ARRDC5: variants seen among roughly 807,000 people sequenced by gnomAD.
ARRDC5 encodes the protein arrestin domain-containing protein 5.
ARRDC5 carries 12 observed loss-of-function variants against 13.3 expected under a neutral mutation model. That is an observed-to-expected ratio of 0.90 (90% CI 0.58 to 1.46). The LOEUF (loss-of-function observed/expected upper bound fraction) is 1.46. ARRDC5 is among the 40% of genes most tolerant of loss of function. The pLI is 0.00. For synonymous variants in ARRDC5, 181 were observed against 173.4 expected (o/e 1.04, Z -0.34); for missense variants, 406 against 418.7 (o/e 0.97, Z 0.26).
chr19:4,903,108 C>T, upstream of ARRDC5: 1 of 401,632 alleles, frequency 2.5e-6, no homozygotes, highest in Non-Finnish European at 4.7e-6. Context: ...CTCACTGCAA[C>T]CTCCGCCTCA....
At chr19:4,909,871 G>C in the ARRDC5 span, 1 of 379,132 alleles carries the variant, frequency 2.6e-6, no homozygotes, top group Non-Finnish European at 4.7e-6. Context: ...GGAGCCCGGC[G>C]GGGGGTCGAG....
Position 4,896,403 on chromosome 19 carries a change from C to T in ARRDC5, c.459+268G>A, listed in dbSNP as rs368444279. On this transcript the variant is annotated intron_variant, in intron 2 of 2. Transcript: ENST00000650722. ...ACACACACACACACACACACACACA[C>T]ACATATATATAATTTTATTTTAGAG... Among the ~76,000 whole-genome samples, 7,221 of 107,710 alleles carry T rather than the reference C, an allele frequency of 0.067. 305 individuals are homozygous for T. The highest frequency in any genetic ancestry group is 0.13 in the Middle Eastern group (23 of 178). The allele number at this position is 107,710 out of a possible 152,430, so 70.7% of individuals were successfully genotyped here.
the ARRDC5 span, chr19:4,911,089 C>A: frequency 6.9e-7 from 1 of 1,447,984 alleles, no homozygotes; most frequent in Non-Finnish European, 9.2e-7. Context: ...GGCCTCGCGC[C>A]TCTGCAGCCA....
In ARRDC5 at chr19:4,902,835, G is replaced by C; in HGVS notation, c.-10C>G. On this transcript the variant is annotated 5_prime_UTR_variant, in exon 1 of 3. Coordinates refer to ENST00000650722, the MANE Select transcript of ARRDC5 (RefSeq NM_001080523.3). ...ACTTCACCACAGACATGGGGGGTTG[G>C]GGGGTAGAGAGACATTCCTCTCTGT... The C allele has an allele frequency of 6.2e-7, 1 of 1,613,808 alleles. No homozygotes were observed. The highest frequency in any genetic ancestry group is 8.5e-7 in the Non-Finnish European group (1 of 1,179,866).
the ARRDC5 span, among the ~76,000 whole-genome samples, chr19:4,914,730 A>G: frequency 1.3e-5 from 2 of 151,624 alleles, no homozygotes; most frequent in Non-Finnish European, 2.9e-5. Flanking sequence ...GCTCGGGTAC[A>G]ACGCTCTGCA....
intron 2 of ARRDC5, among the ~76,000 whole-genome samples, chr19:4,894,746 G>GAA (rs1568395006): frequency 2.2e-4 from 32 of 147,634 alleles, no homozygotes; most frequent in African/African-American, 6.7e-4. Context: ...AAGAGGAAGA[G>GAA]GAAGAGGAAG....
At chr19:4,909,104 C>G in the ARRDC5 span, 1 of 186,856 alleles carries the variant, frequency 5.4e-6, no homozygotes, top group Non-Finnish European at 1.1e-5. Context: ...AGGGGCCCCC[C>G]ACATTCCCTC....
rs1469498659 is a variant in ARRDC5 at position 4,894,330 on chromosome 19, T to C, written c.459+2341A>G. 2.7e-5 allele frequency among the ~76,000 whole-genome samples: 4 copies of C among 149,578 alleles called. No homozygotes were observed. The South Asian group carries it at 6.4e-4, about 24-fold the overall frequency. ...ATCGAGACCATCCCGGCTAAAACGG[T>C]GAAACCCCGTCTCTACTAAAAATAC... On this transcript the variant is annotated intron_variant, in intron 2 of 2. Coordinates refer to ENST00000650722, the MANE Select transcript of ARRDC5 (RefSeq NM_001080523.3).
At chr19:4,901,009 T>G (rs144889341) in intron 1 of ARRDC5, among the ~76,000 whole-genome samples, 1 of 147,866 alleles carries the variant, frequency 6.8e-6, no homozygotes, top group East Asian at 2.0e-4. Flanking sequence ...ACGAGTGAGA[T>G]TCAGTCTCAA....
At chr19:4,905,707 G>C (rs538155081), upstream of ARRDC5, among the ~76,000 whole-genome samples, 364 of 151,958 alleles carry the variant, frequency 2.4e-3, 3 homozygotes, top group African/African-American at 8.4e-3. Context: ...TAGTAGAGAC[G>C]GGGTTTCACC....
At chr19:4,894,060 A>T (rs1489833974) in intron 2 of ARRDC5, among the ~76,000 whole-genome samples, 2 of 147,162 alleles carry the variant, frequency 1.4e-5, no homozygotes, top group African/African-American at 2.5e-5. Context: ...AAAAAAAAAA[A>T]AAGAGGAGAA....
chr19:4,905,281 T>C (rs2032043689), upstream of ARRDC5, among the ~76,000 whole-genome samples: 1 of 150,312 alleles, frequency 6.7e-6, no homozygotes, highest in Admixed American at 6.7e-5. Flanking sequence ...CATGCCCGGC[T>C]AATTTTTTTT....
intron 2 of ARRDC5, among the ~76,000 whole-genome samples, chr19:4,896,412 A>G (rs2031736325): frequency 6.9e-6 from 1 of 144,998 alleles, no homozygotes; most frequent in Admixed American, 7.2e-5. Context: ...ACACATATAT[A>G]TAATTTTATT....
upstream of ARRDC5, chr19:4,903,029 C>CTT (rs575208681): frequency 1.7e-4 from 74 of 447,638 alleles, no homozygotes; most frequent in East Asian, 5.5e-4. Context: ...CTCACTGGTT[C>CTT]TTTTTTTTTT....
chr19:4,907,750 T>C (rs1599229351), upstream of ARRDC5, among the ~76,000 whole-genome samples: 1 of 145,144 alleles, frequency 6.9e-6, no homozygotes, highest in East Asian at 2.1e-4. Flanking sequence ...TTTGCTTTTG[T>C]TGCCCAGGCT....
chr19:4,914,006 G>A, the ARRDC5 span, among the ~76,000 whole-genome samples: 1 of 151,374 alleles, frequency 6.6e-6, no homozygotes, highest in Non-Finnish European at 1.5e-5. Flanking sequence ...GTAGAGATGG[G>A]GTTTCTCCAT....
At chr19:4,909,028 G>C in the ARRDC5 span, among the ~76,000 whole-genome samples, 2 of 152,196 alleles carry the variant, frequency 1.3e-5, no homozygotes, top group Non-Finnish European at 2.9e-5. Context: ...AGCCCTGGCA[G>C]GCCCTGACGC....
intron 2 of ARRDC5, among the ~76,000 whole-genome samples, chr19:4,896,371 C>CTTT (rs1568396086): frequency 2.3e-4 from 25 of 107,858 alleles, no homozygotes; most frequent in African/African-American, 8.4e-4. Flanking sequence ...TACACACACA[C>CTTT]ACACACACAC....
intron 1 of ARRDC5, among the ~76,000 whole-genome samples, chr19:4,900,039 A>G (rs1169329496): frequency 2.7e-5 from 4 of 149,368 alleles, no homozygotes; most frequent in Non-Finnish European, 5.9e-5. Context: ...CAGTGGTGCA[A>G]TCTTGGCTCA....
Sources: gnomAD v4.1 joint callset for allele counts (sites outside exome capture counted in the v4.1 genomes callset) on GRCh38, gnomAD v4.1.1 for gene constraint, MANE v1.5 for transcripts, NCBI Gene and HGNC (gene_info 2026-07-23, HGNC 2026-07-21) for gene names.